Variants in DSCAML1 observed in about 807,000 individuals in gnomAD.
DSCAML1 encodes the protein cell adhesion molecule DSCAML1.
In DSCAML1, 38 loss-of-function variants were observed where a neutral mutation model predicts 200.5. That is an observed-to-expected ratio of 0.19 (90% confidence interval 0.15 to 0.25). DSCAML1 has a LOEUF of 0.25. Among genes scored for constraint, DSCAML1 ranks in the 10% least tolerant of loss-of-function variants. The pLI, the probability that DSCAML1 is intolerant of heterozygous loss-of-function variation, is 1.00. For missense variants in DSCAML1, 2,223 were observed against 2,858.8 expected, an observed-to-expected ratio of 0.78 and a Z score of 5.07; for synonymous variants, 1,215 against 1,165.0, an observed-to-expected ratio of 1.04 and a Z score of -0.87.
chr11:117,810,684 A>G (rs2055753613), intron 1 of DSCAML1, among the ~76,000 whole-genome samples: 1 of 152,162 alleles, frequency 6.6e-6, no homozygotes, highest in Admixed American at 6.5e-5. Flanking sequence ...CTTGACCCCA[A>G]TACAAACTCG....
chr11:117,548,130 G>A (rs776300714), intron 3 of DSCAML1, among the ~76,000 whole-genome samples: 16 of 152,188 alleles, frequency 1.1e-4, no homozygotes, highest in South Asian at 4.1e-4. Flanking sequence ...CCCAGCGGCC[G>A]CTGTCGCCCC....
intron 3 of DSCAML1, among the ~76,000 whole-genome samples, chr11:117,599,939 G>C (rs969571011): frequency 5.9e-5 from 9 of 152,180 alleles, no homozygotes; most frequent in Non-Finnish European, 1.3e-4. Flanking sequence ...CACAGTGGAA[G>C]GTCTAGGGCC....
At chr11:117,568,100 T>C (rs1479947964) in intron 3 of DSCAML1, among the ~76,000 whole-genome samples, 2 of 152,186 alleles carry the variant, frequency 1.3e-5, no homozygotes, top group South Asian at 2.1e-4. Context: ...ATCTAGCATA[T>C]AAACAGAACC....
At chr11:117,687,426 A>ATTTTTTTTTTTTTTTTTTTTTTTTTTTTT (rs71037492) in intron 3 of DSCAML1, among the ~76,000 whole-genome samples, 9 of 97,640 alleles carry the variant, frequency 9.2e-5, no homozygotes, top group Admixed American at 1.3e-4. Flanking sequence ...ATGCCTGGCT[A>ATTTTTTTTTTTTTTTTTTTTTTTTTTTTT]TTTTTTTTTT....
At chr11:117,559,674 C>G (rs12803024) in intron 3 of DSCAML1, among the ~76,000 whole-genome samples, 14,726 of 152,162 alleles carry the variant, frequency 0.097, 861 homozygotes, top group East Asian at 0.2. Flanking sequence ...CTGAGCCAGG[C>G]AGGCAGACCC....
intron 28 of DSCAML1, 91 bp from the exon 29 acceptor site, chr11:117,433,347 C>T: frequency 1.9e-6 from 3 of 1,573,614 alleles, no homozygotes; most frequent in Non-Finnish European, 2.6e-6. Flanking sequence ...TAGAAGCCTG[C>T]CTCCTATTCT....
chr11:117,595,569 A>G (rs889832135), intron 3 of DSCAML1, among the ~76,000 whole-genome samples: 1 of 152,238 alleles, frequency 6.6e-6, no homozygotes, highest in African/African-American at 2.4e-5. Context: ...TGTGATAAAA[A>G]TGGCAGGGAT....
chr11:117,462,201 G>C (rs4938383), intron 17 of DSCAML1, among the ~76,000 whole-genome samples: 13,892 of 152,266 alleles, frequency 0.091, 861 homozygotes, highest in Admixed American at 0.18. Context: ...GACCATTAAA[G>C]CTTCGCTCGT....
intron 1 of DSCAML1, among the ~76,000 whole-genome samples, chr11:117,815,363 C>T (rs974267322): frequency 1.3e-5 from 2 of 152,212 alleles, no homozygotes; most frequent in Admixed American, 6.5e-5. Flanking sequence ...CAAGGTCACA[C>T]AGCAAGCCAA....
chr11:117,747,649 AG>A (rs2054539762), intron 3 of DSCAML1, among the ~76,000 whole-genome samples: 1 of 152,198 alleles, frequency 6.6e-6, no homozygotes, highest in East Asian at 1.9e-4. Context: ...TGGCTTCAGG[AG>A]GAAGGGGCTA....
chr11:117,467,611 A>C (rs1048285857), intron 16 of DSCAML1, among the ~76,000 whole-genome samples: 4 of 152,156 alleles, frequency 2.6e-5, no homozygotes, highest in African/African-American at 9.6e-5. Context: ...TGGACTCACT[A>C]AATAGGTGTG....
In DSCAML1 at chr11:117,662,404, T is replaced by C. The variant is rs75596109; in HGVS notation, c.511+114387A>G. ...CTGTCATGTATGAGAGGGAGCACAA[T>C]TGGCCCAAATGCCCGGAGGCAGAAT... On this transcript the variant is annotated intron_variant, in intron 3 of 32. Transcript: ENST00000651296. Among the ~76,000 whole-genome samples, 422 of 152,318 alleles carry C rather than the reference T, an allele frequency of 2.8e-3. 11 individuals carry two copies. The East Asian group carries it at 0.064, about 23-fold the overall frequency.
Position 117,521,346 on chromosome 11 carries a change from TGACCGTG to T in DSCAML1, c.990_996del (p.Ser330ArgfsTer7). 6.2e-7 allele frequency: 1 copy of T among 1,614,204 alleles called. No individual in the cohort carries two copies. The highest frequency in any genetic ancestry group is 8.5e-7 in the Non-Finnish European group (1 of 1,180,050). On this transcript the variant is annotated frameshift_variant, in exon 6 of 33. Transcript: ENST00000651296. LOFTEE classifies it high-confidence loss of function. ...GAGCCCGTCAGGGCACAGGAGAGGATGACCGTGCTGCCAATGCCGGTCTTCAGCTTCT... is the reference window on the plus strand; with the variant it reads ...GAGCCCGTCAGGGCACAGGAGAGGATCTGCCAATGCCGGTCTTCAGCTTCT...
At chr11:117,784,080 T>A (rs149478683) in intron 1 of DSCAML1, among the ~76,000 whole-genome samples, 22 of 152,358 alleles carry the variant, frequency 1.4e-4, no homozygotes, top group African/African-American at 5.3e-4. Context: ...TCCAGCCACC[T>A]GTCAGGGCTG....
chr11:117,688,276 G>T (rs1351772617), intron 3 of DSCAML1, among the ~76,000 whole-genome samples: 1 of 152,208 alleles, frequency 6.6e-6, no homozygotes, highest in Non-Finnish European at 1.5e-5. Context: ...AACCATCAAG[G>T]GTGGCACCTG....
chr11:117,462,525 G>T (rs546649478), intron 17 of DSCAML1, among the ~76,000 whole-genome samples: 19 of 152,328 alleles, frequency 1.2e-4, no homozygotes, highest in African/African-American at 4.6e-4. Context: ...AGGCTGGCTG[G>T]AAGGAAATTA....
At chr11:117,695,473 A>C (rs976103513) in intron 3 of DSCAML1, among the ~76,000 whole-genome samples, 8 of 152,052 alleles carry the variant, frequency 5.3e-5, no homozygotes, top group African/African-American at 1.9e-4. Context: ...CAGAGCAGGT[A>C]AGCTTGTCCA....
chr11:117,629,444 G>A (rs898033327), intron 3 of DSCAML1, among the ~76,000 whole-genome samples: 2 of 152,164 alleles, frequency 1.3e-5, no homozygotes, highest in Non-Finnish European at 2.9e-5. Flanking sequence ...GGGGATGGGT[G>A]CACATGGGGA....
chr11:117,750,134 G>A (rs2054582876), intron 3 of DSCAML1, among the ~76,000 whole-genome samples: 1 of 152,182 alleles, frequency 6.6e-6, no homozygotes. Context: ...TTGGGTAAAG[G>A]GGCATCTGGC....
Sources: gnomAD v4.1 joint callset for allele counts (sites outside exome capture counted in the v4.1 genomes callset) on GRCh38, gnomAD v4.1.1 for gene constraint, MANE v1.5 for transcripts, NCBI Gene and HGNC (gene_info 2026-07-23, HGNC 2026-07-21) for gene names.